NRG1: variants seen among roughly 807,000 people sequenced by gnomAD.
NRG1 encodes the protein pro-neuregulin-1, membrane-bound isoform.
Under a neutral mutation model 63.8 loss-of-function variants are expected in NRG1, and 18 were observed. The observed-to-expected ratio is 0.28, with a 90% CI of 0.19 to 0.42. The LOEUF (loss-of-function observed/expected upper bound fraction) is 0.42, where lower values mean the gene tolerates loss of function less well. NRG1 is among the 10% of genes least tolerant of loss of function. The pLI, the probability that NRG1 is intolerant of heterozygous loss-of-function variation, is 1.00. For missense variants in NRG1, 762 were observed against 814.7 expected (o/e 0.94, Z 0.79); for synonymous variants, 302 against 301.3 (o/e 1.00, Z -0.02).
chr8:32,217,213 C>CAAAAAAAA (rs538507645), intron 1 of NRG1, among the ~76,000 whole-genome samples: 5 of 101,170 alleles, frequency 4.9e-5, no homozygotes, highest in East Asian at 3.8e-4. Flanking sequence ...GACCCTGTCT[C>CAAAAAAAA]AAAAAAAAAA....
intron 5 of NRG1, among the ~76,000 whole-genome samples, chr8:32,699,228 A>G (rs1814201501): frequency 6.6e-6 from 1 of 151,868 alleles, no homozygotes. Context: ...TGCATGGATA[A>G]AAACTAACCA....
intron 6 of NRG1, among the ~76,000 whole-genome samples, chr8:32,737,684 T>C (rs1825419490): frequency 6.7e-6 from 1 of 149,576 alleles, no homozygotes. Flanking sequence ...CCTTTTTTTT[T>C]TTTTTTTTTT....
At chr8:31,737,695 G>T (rs1193532131) in intron 1 of NRG1, among the ~76,000 whole-genome samples, 1 of 152,128 alleles carries the variant, frequency 6.6e-6, no homozygotes, top group Non-Finnish European at 1.5e-5. Flanking sequence ...TAACTTGGAT[G>T]GGAGCAGGCT....
intron 6 of NRG1, among the ~76,000 whole-genome samples, chr8:32,730,557 A>C (rs1018557020): frequency 1.3e-5 from 2 of 152,236 alleles, no homozygotes; most frequent in African/African-American, 2.4e-5. Flanking sequence ...TTTAAAAAAT[A>C]ATCTTAGAGA....
At chr8:31,789,994 T>C (rs1478242542) in intron 1 of NRG1, among the ~76,000 whole-genome samples, 1 of 152,142 alleles carries the variant, frequency 6.6e-6, no homozygotes, top group Non-Finnish European at 1.5e-5. Context: ...GCATATCCAA[T>C]AATATGCGGG....
intron 1 of NRG1, among the ~76,000 whole-genome samples, chr8:32,051,310 C>T (rs1821941604): frequency 6.6e-6 from 1 of 152,062 alleles, no homozygotes; most frequent in Admixed American, 6.6e-5. Flanking sequence ...ATCCAGGGAC[C>T]CAACTTGGAA....
chr8:32,632,379 G>A (rs545878067), intron 5 of NRG1, among the ~76,000 whole-genome samples: 90 of 151,978 alleles, frequency 5.9e-4, no homozygotes, highest in African/African-American at 2.2e-3. Flanking sequence ...GAGAAACCCC[G>A]TCTCTACTAC....
intron 1 of NRG1, among the ~76,000 whole-genome samples, chr8:32,447,859 A>C (rs1820464007): frequency 6.6e-6 from 1 of 152,120 alleles, no homozygotes; most frequent in African/African-American, 2.4e-5. Flanking sequence ...AAAAAAAAAA[A>C]AAAAATACGT....
intron 5 of NRG1, among the ~76,000 whole-genome samples, chr8:32,684,243 T>C (rs1809480219): frequency 6.6e-6 from 1 of 152,196 alleles, no homozygotes; most frequent in Admixed American, 6.5e-5. Flanking sequence ...ATTACCATTT[T>C]AAAAAATTTT....
intron 1 of NRG1, among the ~76,000 whole-genome samples, chr8:31,782,812 G>T (rs1819818583): frequency 6.6e-6 from 1 of 152,116 alleles, no homozygotes; most frequent in Non-Finnish European, 1.5e-5. Context: ...GGGGTCTCGG[G>T]TTCTGTGTGT....
At chr8:32,313,081 A>C (rs1341223833) in intron 1 of NRG1, among the ~76,000 whole-genome samples, 2 of 152,182 alleles carry the variant, frequency 1.3e-5, no homozygotes. Context: ...TGAACCCAAA[A>C]AAAGCAGAGG....
At chr8:32,157,493 C>T (rs1331009648) in intron 1 of NRG1, among the ~76,000 whole-genome samples, 2 of 151,358 alleles carry the variant, frequency 1.3e-5, no homozygotes, top group Non-Finnish European at 2.9e-5. Context: ...AACCCTGTCT[C>T]TACTAAAAAT....
intron 1 of NRG1, among the ~76,000 whole-genome samples, chr8:32,096,402 C>G (rs995343239): frequency 2.0e-5 from 3 of 152,172 alleles, no homozygotes; most frequent in Non-Finnish European, 4.4e-5. Flanking sequence ...TCTGTCACCT[C>G]AAACATTATC....
chr8:32,174,402 C>G (rs924852146), intron 1 of NRG1, among the ~76,000 whole-genome samples: 4 of 151,560 alleles, frequency 2.6e-5, no homozygotes, highest in African/African-American at 7.3e-5. Flanking sequence ...AAATGGACAC[C>G]CTAACATCAC....
chr8:32,322,672 A>G (rs1379746262), intron 1 of NRG1, among the ~76,000 whole-genome samples: 1 of 152,004 alleles, frequency 6.6e-6, no homozygotes, highest in African/African-American at 2.4e-5. Flanking sequence ...TGATCATTAT[A>G]AAAGCCAGCC....
intron 3 of NRG1, 73 bp from the exon 4 acceptor site, chr8:32,614,441 C>T (rs951740296): frequency 2.2e-5 from 32 of 1,462,066 alleles, no homozygotes; most frequent in Non-Finnish European, 3.1e-5. Flanking sequence ...CTTTTAGTTC[C>T]AAGGCAGGCT....
intron 1 of NRG1, among the ~76,000 whole-genome samples, chr8:32,009,728 T>C (rs1425775330): frequency 6.6e-6 from 1 of 152,008 alleles, no homozygotes; most frequent in African/African-American, 2.4e-5. Flanking sequence ...AGCCATTGTT[T>C]ATAGATTTGC....
At chr8:32,452,105 G>A (rs1821032750) in intron 1 of NRG1, among the ~76,000 whole-genome samples, 1 of 152,132 alleles carries the variant, frequency 6.6e-6, no homozygotes, top group South Asian at 2.1e-4. Context: ...TGGGATTGCA[G>A]GTGTGAGCCA....
intron 1 of NRG1, among the ~76,000 whole-genome samples, chr8:31,644,866 T>C (rs1213598434): frequency 1.3e-5 from 2 of 152,240 alleles, no homozygotes; most frequent in South Asian, 2.1e-4. Flanking sequence ...TTGAATGATC[T>C]GAAAAAATAA....
Sources: gnomAD v4.1 joint callset for allele counts (sites outside exome capture counted in the v4.1 genomes callset) on GRCh38, gnomAD v4.1.1 for gene constraint, MANE v1.5 for transcripts, NCBI Gene and HGNC (gene_info 2026-07-23, HGNC 2026-07-21) for gene names.